RSPH4A: variants seen among roughly 807,000 people sequenced by gnomAD.
RSPH4A encodes the protein radial spoke head protein 4 homolog A.
Under a neutral mutation model 71.0 loss-of-function variants are expected in RSPH4A, and 47 were observed. The ratio of observed to expected loss-of-function variants is 0.66; its 90% CI spans 0.52 to 0.84. RSPH4A has a LOEUF of 0.84. Among genes scored for constraint, RSPH4A ranks in the 40% least tolerant of loss-of-function variants. The probability of loss-of-function intolerance (pLI) is 0.00; values close to 1 mark genes in which losing one functional copy is unlikely to be tolerated. For missense variants in RSPH4A, 793 were observed against 855.2 expected (o/e 0.93, Z 0.91); for synonymous variants, 282 against 302.3 (o/e 0.93, Z 0.70).
In RSPH4A at chr6:116,628,278, A is replaced by T. The variant is rs756872874; in HGVS notation, c.1571A>T (p.Glu524Val). 1.2e-6 allele frequency: 2 copies of T among 1,611,448 alleles called. No homozygotes were observed. The highest frequency in any genetic ancestry group is 2.2e-5 in the South Asian group (2 of 90,874). Residue 524 changes from glutamate to valine, a missense_variant, in exon 3 of 6, where the codon GAG becomes GTG. Glu to Val is a moderately radical substitution (Grantham distance 121). Coordinates refer to ENST00000229554, the MANE Select transcript of RSPH4A (RefSeq NM_001010892.3). ...EEAEGGRNSFEENPDFEGIQV... is the reference protein window; with the variant it reads ...EEAEGGRNSFVENPDFEGIQV... ...GCAGAAGGTGGGCGAAATAGCTTTG[A>T]GGAAAACCCTGATTTTGAAGGCATC...
At chr6:116,619,788 G>A (rs978473491) in intron 1 of RSPH4A, among the ~76,000 whole-genome samples, 4 of 151,900 alleles carry the variant, frequency 2.6e-5, no homozygotes, top group African/African-American at 9.7e-5. Context: ...GCACGATCTC[G>A]GCTCACTACA....
At chr6:116,619,954 C>T (rs931311097) in intron 1 of RSPH4A, among the ~76,000 whole-genome samples, 4 of 152,266 alleles carry the variant, frequency 2.6e-5, no homozygotes, top group East Asian at 1.9e-4. Flanking sequence ...CTCCTGACTT[C>T]GTGATCTGCC....
intron 2 of RSPH4A, among the ~76,000 whole-genome samples, chr6:116,626,456 C>T (rs1321923061): frequency 6.6e-6 from 1 of 152,134 alleles, no homozygotes; most frequent in Admixed American, 6.5e-5. Flanking sequence ...ATTCTCCTGC[C>T]TCAGCCTCCC....
intron 2 of RSPH4A, among the ~76,000 whole-genome samples, chr6:116,625,219 T>C (rs759044647): frequency 3.9e-5 from 6 of 152,208 alleles, no homozygotes; most frequent in African/African-American, 7.2e-5. Flanking sequence ...ACTCTGCTAT[T>C]GGTCATTGGG....
At chr6:116,627,227 G>A (rs992095047) in intron 2 of RSPH4A, among the ~76,000 whole-genome samples, 3 of 152,066 alleles carry the variant, frequency 2.0e-5, no homozygotes, top group Non-Finnish European at 2.9e-5. Context: ...TTTGGAGATG[G>A]AGTCTTGCTC....
At chr6:116,622,658 T>G (rs1775628367) in intron 1 of RSPH4A, 110 bp from the exon 2 acceptor site, 1 of 739,584 alleles carries the variant, frequency 1.4e-6, no homozygotes, top group Admixed American at 2.5e-5. Flanking sequence ...GTTTTTTTCT[T>G]TTTCATTTAA....
At chr6:116,626,131 C>A (rs1775688453) in intron 2 of RSPH4A, among the ~76,000 whole-genome samples, 3 of 152,238 alleles carry the variant, frequency 2.0e-5, no homozygotes, top group Non-Finnish European at 4.4e-5. Context: ...AGTGGTACAG[C>A]AAATGTCAAG....
Position 116,630,415 on chromosome 6 carries a change from C to A in RSPH4A, c.1799-20C>A. 2 of 1,297,496 alleles carry A rather than the reference C, an allele frequency of 1.5e-6. No individual in the cohort carries two copies. Among genetic ancestry groups the A allele is most frequent in the Non-Finnish European group, 2.2e-6 (2 of 891,692 alleles). 80.4% of individuals were successfully genotyped at this position (1,297,496 alleles called of 1,614,324 possible). On this transcript the variant is annotated intron_variant, in intron 4 of 5. Transcript: ENST00000229554. The stretch of plus-strand genomic sequence containing the variant: ...TGTCTAGTTAGGAATTAAGCTTTTG[C>A]ATTTCTCTTTGGGTTCCAGAGATTC...
In RSPH4A at chr6:116,627,961, A is replaced by G. The variant is rs1243673447; in HGVS notation, c.1254A>G (p.Pro418=). The G allele has an allele frequency of 1.2e-6, 2 of 1,614,104 alleles. No homozygotes were observed. The highest frequency in any genetic ancestry group is 2.7e-5 in the African/African-American group (2 of 74,934). ...KSFYKAPQAI[P]KEESRTGANK... The stretch of plus-strand genomic sequence containing the variant: ...TTTACAAGGCCCCACAGGCTATACC[A>G]AAAGAAGAAAGTAGAACAGGTGCCA... Residue 418 remains proline (P), a synonymous_variant, in exon 3 of 6, where the codon CCA becomes CCG. Coordinates refer to ENST00000229554, the MANE Select transcript of RSPH4A (RefSeq NM_001010892.3).
At chr6:116,626,383 C>G (rs1413576041) in intron 2 of RSPH4A, among the ~76,000 whole-genome samples, 1 of 151,896 alleles carries the variant, frequency 6.6e-6, no homozygotes, top group East Asian at 1.9e-4. Context: ...AGACCGTCAC[C>G]CAGGCTGTAG....
rs372304999 is a variant in RSPH4A, at chr6:116,632,385, G to T, written c.2095G>T (p.Ala699Ser). ...GGCTGCACAAGAAGCAGTTCTACTC[G>T]CAGCTGAGAATGAAGAATCTGAGGA... is the stretch of plus-strand genomic sequence containing the variant. ...FRAAQEAVLL[A>S]AENEESEEDE... Residue 699 changes from alanine (A) to serine (S), a missense_variant, in exon 6 of 6, where the codon GCA (alanine) becomes TCA (serine). Transcript: ENST00000229554. 6.2e-7 allele frequency: 1 copy of T among 1,613,798 alleles called. No homozygotes were observed. The highest frequency in any genetic ancestry group is 8.5e-7 in the Non-Finnish European group (1 of 1,179,950).
intron 2 of RSPH4A, among the ~76,000 whole-genome samples, chr6:116,624,556 T>C (rs1306338922): frequency 1.3e-5 from 2 of 152,164 alleles, no homozygotes; most frequent in African/African-American, 4.8e-5. Flanking sequence ...AGGGATAAGA[T>C]TGACTTTAAA....
At chr6:116,622,001 A>T (rs1386148359) in intron 1 of RSPH4A, among the ~76,000 whole-genome samples, 2 of 152,244 alleles carry the variant, frequency 1.3e-5, no homozygotes, top group Non-Finnish European at 2.9e-5. Flanking sequence ...TACTGAGAGG[A>T]TAGAGGCAAT....
intron 2 of RSPH4A, among the ~76,000 whole-genome samples, chr6:116,627,068 A>G (rs1470792222): frequency 6.6e-6 from 1 of 152,202 alleles, no homozygotes; most frequent in East Asian, 1.9e-4. Context: ...TAATTATTAA[A>G]CTTTCTCTAC....
At chr6:116,627,581 A>G in intron 2 of RSPH4A, 48 bp from the exon 3 acceptor site, 1 of 1,336,882 alleles carries the variant, frequency 7.5e-7, no homozygotes, top group Non-Finnish European at 1.1e-6. Context: ...AAGGGAAGCA[A>G]GCATTTGTCT....
rs1451660000 is a variant in RSPH4A at position 116,629,587 on chromosome 6, C to A, written c.1683C>A (p.Asn561Lys). 6.2e-7 allele frequency: 1 copy of A among 1,612,804 alleles called. No homozygotes were observed. Among genetic ancestry groups the A allele is most frequent in the Admixed American group, 1.7e-5 (1 of 60,014 alleles). The stretch of plus-strand genomic sequence containing the variant: ...CCCAGGGTCGCTGTAATTGGTTCAA[C>A]TCCATACAAAAAAATGAGGAAGAAG... ...ILSQGRCNWF[N>K]SIQKNEEEEE... Residue 561 changes from asparagine to lysine, a missense_variant, in exon 4 of 6, where the codon AAC becomes AAA. Coordinates refer to ENST00000229554, the MANE Select transcript of RSPH4A (RefSeq NM_001010892.3).
rs980265312 is a variant in RSPH4A, at chr6:116,625,559, A to G, written c.922-2070A>G. Among the ~76,000 whole-genome samples the G allele has an allele frequency of 3.4e-5, 4 of 116,252 alleles. No homozygotes were observed. In the South Asian group the frequency reaches 1.3e-3, roughly 37 times the overall value. 76.3% of individuals were successfully genotyped at this position (116,252 alleles called of 152,430 possible). ...TCATAATATGAAAGATAATGAAAAA[A>G]GAAAGGTAGAATGGGGCCAGAGGAG... On this transcript the variant is annotated intron_variant, in intron 2 of 5. Coordinates refer to ENST00000229554, the MANE Select transcript of RSPH4A (RefSeq NM_001010892.3).
intron 5 of RSPH4A, 120 bp from the exon 6 acceptor site, chr6:116,632,087 G>T: frequency 1.4e-6 from 1 of 695,704 alleles, no homozygotes. Flanking sequence ...CATTTTACAT[G>T]TATTGCTTTT....
intron 1 of RSPH4A, among the ~76,000 whole-genome samples, chr6:116,617,991 A>G (rs577939177): frequency 1.1e-3 from 169 of 152,306 alleles, no homozygotes; most frequent in Non-Finnish European, 1.6e-3. Context: ...CCAGAGTTAC[A>G]TAATGATAGG....
Sources: allele counts gnomAD v4.1 joint callset (sites outside exome capture counted in the v4.1 genomes callset), GRCh38; gene constraint gnomAD v4.1.1; transcripts MANE v1.5; gene names NCBI Gene and HGNC (gene_info 2026-07-23, HGNC 2026-07-21).